The following IL9R variants were observed in gnomAD, a reference collection of about 807,000 sequenced individuals.
IL9R encodes the protein interleukin 9 receptor.
IL9R carries 54 observed loss-of-function variants against 56.3 expected under a neutral mutation model. That is an observed-to-expected ratio of 0.96 (90% confidence interval 0.77 to 1.20). The LOEUF is 1.20. IL9R is among the 50% of genes most tolerant of loss of function. The probability of loss-of-function intolerance (pLI) is 0.00; values close to 1 mark genes in which losing one functional copy is unlikely to be tolerated. For missense variants in IL9R, 545 were observed against 629.8 expected, an observed-to-expected ratio of 0.87 and a Z score of 1.44; for synonymous variants, 212 against 250.2, an observed-to-expected ratio of 0.85 and a Z score of 1.44.
At chrX:156,006,979 A>C (rs1569476484) in intron 7 of IL9R, among the ~76,000 whole-genome samples, 2 of 151,498 alleles carry the variant, frequency 1.3e-5, no homozygotes, top group Non-Finnish European at 2.9e-5. Flanking sequence ...GGGTCTCATG[A>C]GGGGAAATAG....
rs2068087934 is a variant in IL9R, at chrX:156,007,874, T to C, written c.972+267T>C. On this transcript the variant is annotated intron_variant, in intron 8 of 8. Transcript: ENST00000244174. ...GAAAAAATGTAAATTTCTCATAACT[T>C]ATCTCTGTCCCCTCTGGTTTGCAGC... 7.5e-6 allele frequency: 3 copies of C among 397,734 alleles called. No homozygotes were observed. The Admixed American group carries it at 1.3e-4, about 17-fold the overall frequency. 24.6% of individuals were successfully genotyped at this position (397,734 alleles called of 1,614,324 possible).
intron 5 of IL9R, among the ~76,000 whole-genome samples, chrX:156,004,945 G>A (rs1458931887): frequency 1.3e-5 from 2 of 152,108 alleles, no homozygotes; most frequent in Non-Finnish European, 2.9e-5. Flanking sequence ...ATGCCTATGT[G>A]TATGAGTGTG....
At chrX:156,002,818 T>C (rs754848931) in intron 1 of IL9R, 88 bp from the exon 2 acceptor site, 1 of 1,571,892 alleles carries the variant, frequency 6.4e-7, no homozygotes, top group African/African-American at 1.3e-5. Flanking sequence ...TGGGGACCCA[T>C]GGAGCACTCT....
intron 1 of IL9R, among the ~76,000 whole-genome samples, chrX:155,998,786 G>A (rs987550858): frequency 9.9e-5 from 15 of 151,950 alleles, no homozygotes. Flanking sequence ...GATCAAACAG[G>A]GTCTTGCCTC....
At position 156,005,187 on chromosome X, in the gene IL9R, T is replaced by A. The variant is rs779129486; in HGVS notation, c.580-91T>A. ...TAACACAAGTGTGTTCAAGAGTGTG[T>A]TATATGAGCATATAATGCATGTGTG... On this transcript the variant is annotated intron_variant, in intron 5 of 8. Transcript: ENST00000244174. The A allele has an allele frequency of 2.9e-5, 28 of 969,772 alleles. 1 individual carries two copies. In the Admixed American group the frequency reaches 5.1e-4, roughly 18 times the overall value. 60.1% of individuals were successfully genotyped at this position (969,772 alleles called of 1,614,324 possible).
intron 5 of IL9R, among the ~76,000 whole-genome samples, chrX:156,005,009 A>G (rs914698834): frequency 3.9e-5 from 6 of 152,072 alleles, no homozygotes; most frequent in African/African-American, 1.4e-4. Flanking sequence ...ATGAGTGTGC[A>G]TGCAAGTGTG....
At chrX:156,001,513 G>T (rs756199419) in intron 1 of IL9R, 1 of 1,587,636 alleles carries the variant, frequency 6.3e-7, no homozygotes, top group Non-Finnish European at 8.6e-7. Flanking sequence ...GAAAGGGTGA[G>T]GCTTCCTGAT....
At position 156,004,481 on chromosome X, in the gene IL9R, C is replaced by T. The variant is rs1569473063; in HGVS notation, c.495C>T (p.Thr165=). 1 of 1,613,858 alleles carries T rather than the reference C, an allele frequency of 6.2e-7. No individual in the cohort carries two copies. Among genetic ancestry groups the T allele is most frequent in the Non-Finnish European group, 8.5e-7 (1 of 1,179,830 alleles). Residue 165 remains threonine, a synonymous_variant, in exon 5 of 9, where the codon ACC becomes ACT. Coordinates refer to ENST00000244174, the MANE Select transcript of IL9R (RefSeq NM_002186.3). ...SNISSGHCIL[T]WSISPALEPM... is the part of the protein sequence containing the mutation. The stretch of plus-strand genomic sequence containing the variant: ...TCAGTTCTGGCCACTGCATCCTGAC[C>T]TGGAGCATCAGTCCTGCCTTGGAGC...
At chrX:156,006,232 AAG>A (rs1372840299) in intron 7 of IL9R, 44 bp downstream of exon 7, 2 of 754,902 alleles carry the variant, frequency 2.6e-6, no homozygotes, top group Non-Finnish European at 4.6e-6. Context: ...GTGAGCGGGC[AAG>A]AGTGTGCATG....
chrX:156,002,445 T>A (rs2067597446), intron 1 of IL9R, among the ~76,000 whole-genome samples: 1 of 152,238 alleles, frequency 6.6e-6, no homozygotes, highest in Admixed American at 6.5e-5. Context: ...GGGACAGTGC[T>A]TCTCCCTTAC....
Position 156,002,955 on chromosome X carries a change from C to G in IL9R, c.78C>G (p.Leu26=). Residue 26 remains leucine (L), a synonymous_variant, in exon 2 of 9, where the codon CTC becomes CTG. Transcript: ENST00000244174. Reference sequence around the variant, plus strand: ...TGAGGCGAGACATGGGCACCTGGCTCCTGGCCTGCATCTGCATCTGCACCT... The same window carrying G: ...TGAGGCGAGACATGGGCACCTGGCTGCTGGCCTGCATCTGCATCTGCACCT... ...EALRRDMGTW[L]LACICICTCV... is the part of the protein sequence containing the mutation. The G allele has an allele frequency of 6.2e-7, 1 of 1,613,904 alleles. No individual in the cohort carries two copies. The highest frequency in any genetic ancestry group is 8.5e-7 in the Non-Finnish European group (1 of 1,179,868).
At position 156,003,857 on chromosome X, in the gene IL9R, T is replaced by C. The variant is rs1229937578; in HGVS notation, c.433+2T>C. On this transcript the variant is annotated splice_donor_variant, in intron 4 of 8. Transcript: ENST00000244174. LOFTEE classifies it high-confidence loss of function. ...CGGAGTACCTGCCCCGGAGACACGG[T>C]GAGCAGCAGCTATAGGTCTGGGGCG... is the stretch of plus-strand genomic sequence containing the variant. The C allele has an allele frequency of 1.9e-6, 3 of 1,613,704 alleles. No individual in the cohort carries two copies. Among genetic ancestry groups the C allele is most frequent in the Non-Finnish European group, 2.5e-6 (3 of 1,179,838 alleles).
At chrX:156,009,268 G>GTC (rs2068297292) in intron 8 of IL9R, among the ~76,000 whole-genome samples, 4 of 125,844 alleles carry the variant, frequency 3.2e-5, no homozygotes, top group Admixed American at 7.5e-5. Flanking sequence ...GTGTGTGTTT[G>GTC]TGTGTGTATG....
intron 8 of IL9R, among the ~76,000 whole-genome samples, chrX:156,009,415 GTGTTTGTGTA>G (rs2068332885): frequency 6.9e-6 from 1 of 144,834 alleles, no homozygotes; most frequent in Non-Finnish European, 1.5e-5. Flanking sequence ...GTGTGTGTGT[GTGTTTGTGTA>G]TGTTTGTGTG....
Position 155,997,731 on chromosome X carries a change from C to G in IL9R, c.-29C>G. 6.2e-7 allele frequency: 1 copy of G among 1,612,832 alleles called. No homozygotes were observed. Among genetic ancestry groups the G allele is most frequent in the Non-Finnish European group, 8.5e-7 (1 of 1,178,888 alleles). ...CAGAGATAGTTGGGTGACAAATCAC[C>G]TCCAGGTTGGGGATGCCTCAGACTT... On this transcript the variant is annotated 5_prime_UTR_variant, in exon 1 of 9. Coordinates refer to ENST00000244174, the MANE Select transcript of IL9R (RefSeq NM_002186.3).
Position 156,010,071 on chromosome X carries a change from CAGG to C in IL9R, c.1233_1235del (p.Glu411del). 6.3e-7 allele frequency: 1 copy of C among 1,574,816 alleles called. No homozygotes were observed. Among genetic ancestry groups the C allele is most frequent in the Non-Finnish European group, 8.5e-7 (1 of 1,169,740 alleles). On this transcript the variant is annotated inframe_deletion, in exon 9 of 9. Transcript: ENST00000244174. Reference sequence around the variant, plus strand: ...GGTACAGACGCTTGCCTATCTGCCACAGGAGGACTGGGCCCCCACGTCCCTGAC... The same window carrying C: ...GGTACAGACGCTTGCCTATCTGCCACAGGACTGGGCCCCCACGTCCCTGAC...
In IL9R at chrX:155,998,990, GC is replaced by G. The variant is rs745335737; in HGVS notation, c.28+1206del. Among the ~76,000 whole-genome samples the G allele has an allele frequency of 2.7e-3, 411 of 152,162 alleles. 1 individual carries two copies. Among genetic ancestry groups the G allele is most frequent in the Non-Finnish European group, 2.2e-3 (148 of 67,992 alleles). On this transcript the variant is annotated intron_variant, in intron 1 of 8. Transcript: ENST00000244174. ...GGACTGTGCCAATATCCTCACTCCA[GC>G]CCTGGCCCATGGCCACTGCTCAACC... is the stretch of plus-strand genomic sequence containing the variant.
At position 156,003,824 on chromosome X, in the gene IL9R, G is replaced by A. The variant is rs1267269523; in HGVS notation, c.402G>A (p.Leu134=). 2 of 1,613,972 alleles carry A rather than the reference G, an allele frequency of 1.2e-6. No homozygotes were observed. The highest frequency in any genetic ancestry group is 2.2e-5 in the South Asian group (2 of 91,066). The part of the protein sequence containing the change: ...HCMSGREQVS[L]VDPEYLPRRH... ...TGTCTGGGAGGGAGCAGGTCAGCCT[G>A]GTGGACCCGGAGTACCTGCCCCGGA... is the stretch of plus-strand genomic sequence containing the variant. The change falls in exon 4 of 9, where the codon CTG becomes CTA. Residue 134 remains leucine (L), a synonymous_variant. Transcript: ENST00000244174.
intron 8 of IL9R, among the ~76,000 whole-genome samples, chrX:156,008,473 C>G (rs1218952187): frequency 6.6e-6 from 1 of 152,110 alleles, no homozygotes; most frequent in Non-Finnish European, 1.5e-5. Flanking sequence ...GCATCTGGCT[C>G]TTGGCAGAGT....
Sources: gnomAD v4.1 joint callset for allele counts (sites outside exome capture counted in the v4.1 genomes callset) on GRCh38, gnomAD v4.1.1 for gene constraint, MANE v1.5 for transcripts, NCBI Gene and HGNC (gene_info 2026-07-23, HGNC 2026-07-21) for gene names.